PTPRK: variants seen among roughly 807,000 people sequenced by gnomAD.
The protein encoded by PTPRK is receptor-type tyrosine-protein phosphatase kappa.
In PTPRK, 75 loss-of-function variants were observed where a neutral mutation model predicts 178.0. The observed-to-expected ratio is 0.42, with a 90% CI of 0.35 to 0.51. PTPRK has a LOEUF of 0.51. Among genes scored for constraint, PTPRK ranks in the 20% least tolerant of loss-of-function variants. The pLI, the probability that PTPRK is intolerant of heterozygous loss-of-function variation, is 0.02. For synonymous variants in PTPRK, 637 were observed against 620.6 expected, an observed-to-expected ratio of 1.03 and a Z score of -0.39; for missense variants, 1,441 against 1,797.8, an observed-to-expected ratio of 0.80 and a Z score of 3.59.
intron 1 of PTPRK, among the ~76,000 whole-genome samples, chr6:128,475,823 A>C (rs1018547999): frequency 2.6e-5 from 4 of 151,970 alleles, no homozygotes; most frequent in African/African-American, 9.7e-5. Context: ...AATGAGAAAA[A>C]TATGTTGCTA....
At chr6:128,417,830 A>G (rs1161189621) in intron 1 of PTPRK, among the ~76,000 whole-genome samples, 1 of 152,184 alleles carries the variant, frequency 6.6e-6, no homozygotes, top group Non-Finnish European at 1.5e-5. Context: ...ACGTGGTATG[A>G]GAAGAAAAAG....
chr6:128,506,259 C>CT (rs1856321187), intron 1 of PTPRK, among the ~76,000 whole-genome samples: 1 of 152,152 alleles, frequency 6.6e-6, no homozygotes, highest in Non-Finnish European at 1.5e-5. Flanking sequence ...GGGATGGGCA[C>CT]TGCTTGGAGT....
rs1282698619 is a variant in PTPRK at position 128,011,025 on chromosome 6, T to G, written c.2195-1757A>C. Among the ~76,000 whole-genome samples the G allele has an allele frequency of 2.0e-5, 3 of 151,190 alleles. No homozygotes were observed. In the East Asian group the frequency reaches 5.8e-4, roughly 29 times the overall value. ...AGATCTTTTCCTTTCCAGGGCGACG[T>G]TAGAAATATATACATATATCTATAT... On this transcript the variant is annotated intron_variant, in intron 13 of 29. Transcript: ENST00000368226.
At chr6:128,164,118 G>A (rs1345155593) in intron 7 of PTPRK, among the ~76,000 whole-genome samples, 2 of 151,268 alleles carry the variant, frequency 1.3e-5, no homozygotes, top group Admixed American at 1.3e-4. Context: ...CTCTAATTAC[G>A]TATCTCCAAT....
At chr6:128,470,549 A>G (rs1850487304) in intron 1 of PTPRK, among the ~76,000 whole-genome samples, 1 of 152,012 alleles carries the variant, frequency 6.6e-6, no homozygotes, top group Admixed American at 6.6e-5. Flanking sequence ...CAAAAACACT[A>G]AGTTCAAGTA....
intron 7 of PTPRK, among the ~76,000 whole-genome samples, chr6:128,096,871 A>T (rs941628021): frequency 2.6e-5 from 4 of 152,244 alleles, no homozygotes; most frequent in African/African-American, 9.6e-5. Flanking sequence ...GAAATAAAAA[A>T]ATAAAAATAA....
At chr6:128,455,605 G>A (rs552519021) in intron 1 of PTPRK, among the ~76,000 whole-genome samples, 2 of 152,256 alleles carry the variant, frequency 1.3e-5, no homozygotes, top group African/African-American at 4.8e-5. Context: ...TTATTTCAGA[G>A]TGCGATTTGA....
chr6:128,243,509 A>AGAAAAGAAAAG (rs58288527), intron 3 of PTPRK, among the ~76,000 whole-genome samples: 4 of 137,704 alleles, frequency 2.9e-5, no homozygotes, highest in African/African-American at 1.2e-4. Context: ...AAAAAAAAAA[A>AGAAAAGAAAAG]AAAAGAAAAG....
At chr6:128,374,878 T>A (rs994913688) in intron 2 of PTPRK, among the ~76,000 whole-genome samples, 6 of 151,928 alleles carry the variant, frequency 3.9e-5, no homozygotes, top group Non-Finnish European at 8.8e-5. Context: ...TGCCTTCCAC[T>A]CTTTTCTTTA....
chr6:128,350,593 T>C (rs1470031205), intron 2 of PTPRK, among the ~76,000 whole-genome samples: 4 of 152,214 alleles, frequency 2.6e-5, no homozygotes, highest in Non-Finnish European at 5.9e-5. Context: ...TTGTTTGACA[T>C]GCACAGTGCT....
chr6:128,282,843 TACC>T (rs1342242135), intron 3 of PTPRK, among the ~76,000 whole-genome samples: 4 of 152,150 alleles, frequency 2.6e-5, no homozygotes, highest in Non-Finnish European at 4.4e-5. Context: ...TTATTTATCA[TACC>T]ACAACTTGTG....
chr6:128,319,668 G>A (rs1347029996), intron 3 of PTPRK, among the ~76,000 whole-genome samples: 2 of 152,012 alleles, frequency 1.3e-5, no homozygotes, highest in Non-Finnish European at 1.5e-5. Context: ...AAATTCTACC[G>A]TGTTTTGCCA....
At chr6:128,211,479 G>C (rs1808154383) in intron 6 of PTPRK, among the ~76,000 whole-genome samples, 1 of 152,060 alleles carries the variant, frequency 6.6e-6, no homozygotes, top group African/African-American at 2.4e-5. Context: ...AGCAATTTCT[G>C]TGGTACTATC....
intron 6 of PTPRK, among the ~76,000 whole-genome samples, chr6:128,196,725 C>T (rs1804918301): frequency 6.6e-6 from 1 of 152,108 alleles, no homozygotes; most frequent in Non-Finnish European, 1.5e-5. Context: ...GCTACTGTTC[C>T]TAAGTAACAA....
intron 21 of PTPRK, among the ~76,000 whole-genome samples, chr6:127,987,143 A>G (rs1041622031): frequency 1.3e-5 from 2 of 151,806 alleles, no homozygotes; most frequent in Non-Finnish European, 2.9e-5. Context: ...TTACATGTAT[A>G]GGGTTTGCTC....
chr6:127,973,532 G>T, intron 28 of PTPRK, 132 bp downstream of exon 28: 1 of 1,014,540 alleles, frequency 9.9e-7, no homozygotes, highest in Non-Finnish European at 1.4e-6. Flanking sequence ...ATAGACTCAT[G>T]AGACAGGAAG....
intron 13 of PTPRK, among the ~76,000 whole-genome samples, chr6:128,010,485 CTCTA>C (rs1778932522): frequency 6.6e-6 from 1 of 151,248 alleles, no homozygotes; most frequent in South Asian, 2.1e-4. Context: ...CTCTTGGCTT[CTCTA>C]TCCCCCTCCC....
intron 1 of PTPRK, among the ~76,000 whole-genome samples, chr6:128,411,828 C>T (rs1317240426): frequency 1.3e-5 from 2 of 152,094 alleles, no homozygotes; most frequent in Admixed American, 6.5e-5. Context: ...GTAGTAAGTG[C>T]TAATATTTTG....
chr6:127,974,677 T>C (rs1351988444), intron 27 of PTPRK, among the ~76,000 whole-genome samples: 1 of 152,216 alleles, frequency 6.6e-6, no homozygotes, highest in Non-Finnish European at 1.5e-5. Flanking sequence ...CACAGTTATG[T>C]CAGATCACCC....
Sources: gnomAD v4.1 joint callset for allele counts (sites outside exome capture counted in the v4.1 genomes callset) on GRCh38, gnomAD v4.1.1 for gene constraint, MANE v1.5 for transcripts, NCBI Gene and HGNC (gene_info 2026-07-23, HGNC 2026-07-21) for gene names.